The following LDLRAP1 variants were observed in gnomAD, a reference collection of about 807,000 sequenced individuals.
LDLRAP1 encodes low density lipoprotein receptor adapter protein 1.
In LDLRAP1, 30 loss-of-function variants were observed where a neutral mutation model predicts 37.8. That is an observed-to-expected ratio of 0.79 (90% CI 0.59 to 1.08). The LOEUF (loss-of-function observed/expected upper bound fraction) is 1.08, where lower values mean the gene tolerates loss of function less well. LDLRAP1 is among the 50% of genes least tolerant of loss of function. The pLI, the probability that LDLRAP1 is intolerant of heterozygous loss-of-function variation, is 0.00. For missense variants in LDLRAP1, 375 were observed against 401.6 expected, an observed-to-expected ratio of 0.93 and a Z score of 0.57; for synonymous variants, 156 against 169.8, an observed-to-expected ratio of 0.92 and a Z score of 0.63.
At chr1:25,581,231 C>T in the LDLRAP1 span, among the ~76,000 whole-genome samples, 5 of 152,156 alleles carry the variant, frequency 3.3e-5, no homozygotes, top group Admixed American at 1.3e-4. Flanking sequence ...CAGCCTGGGG[C>T]GGGGGCACTG....
Position 25,555,949 on chromosome 1 carries a change from G to C in LDLRAP1, c.344+977G>C, listed in dbSNP as rs1429139480. Among the ~76,000 whole-genome samples, 1 of 152,146 alleles carries C rather than the reference G, an allele frequency of 6.6e-6. No individual in the cohort carries two copies. Among genetic ancestry groups the C allele is most frequent in the Non-Finnish European group, 1.5e-5 (1 of 68,030 alleles). On this transcript the variant is annotated intron_variant, in intron 3 of 8. Transcript: ENST00000374338. This position sits in a 1 kb window ranked among gnomAD's most constrained non-coding sequence, Gnocchi z 4.7. ...AAAAGGCAAGGAGGAGATCTGCCTG[G>C]GGAAATCCCGGAAGGCCTCCCAGGG...
chr1:25,566,599 C>G (rs1314908048), intron 8 of LDLRAP1, among the ~76,000 whole-genome samples: 2 of 150,614 alleles, frequency 1.3e-5, no homozygotes, highest in African/African-American at 4.9e-5. Flanking sequence ...CCTGACTGAG[C>G]TGGGGCACAG....
intron 5 of LDLRAP1, 99 bp from the exon 6 acceptor site, chr1:25,562,971 C>T: frequency 8.7e-7 from 1 of 1,150,496 alleles, no homozygotes; most frequent in South Asian, 1.2e-5. Flanking sequence ...CTGAAACTGC[C>T]CCTTGAGGTT....
chr1:25,546,533 A>G (rs1181876310), intron 1 of LDLRAP1, among the ~76,000 whole-genome samples: 1 of 152,028 alleles, frequency 6.6e-6, no homozygotes, highest in Non-Finnish European at 1.5e-5. Flanking sequence ...TCAATATTTT[A>G]TCTCAGTCCC....
At chr1:25,580,589 C>G in the LDLRAP1 span, among the ~76,000 whole-genome samples, 4 of 152,292 alleles carry the variant, frequency 2.6e-5, no homozygotes, top group African/African-American at 9.6e-5. Flanking sequence ...CTCATTGCAG[C>G]CTTGACGTTT....
chr1:25,565,486 A>G (rs2044454779), intron 8 of LDLRAP1, among the ~76,000 whole-genome samples: 4 of 151,716 alleles, frequency 2.6e-5, no homozygotes, highest in Admixed American at 2.0e-4. Flanking sequence ...TGAGCGAAAC[A>G]CACTGCAGCT....
Position 25,543,654 on chromosome 1 carries a change from A to G in LDLRAP1, c.-45A>G. The stretch of plus-strand genomic sequence containing the variant: ...AGGGCCGGGCGGAAAGTTTTTCCTG[A>G]CGGAGTTTTGGCTGCGGCAGCGGCG... On this transcript the variant is annotated 5_prime_UTR_variant, in exon 1 of 9. Transcript: ENST00000374338. 1 of 1,186,890 alleles carries G rather than the reference A, an allele frequency of 8.4e-7. No homozygotes were observed. The highest frequency in any genetic ancestry group is 1.0e-6 in the Non-Finnish European group (1 of 953,538). The allele number at this position is 1,186,890 out of a possible 1,614,324, so 73.5% of individuals were successfully genotyped here.
At chr1:25,587,962 T>C in the LDLRAP1 span, among the ~76,000 whole-genome samples, 1 of 149,858 alleles carries the variant, frequency 6.7e-6, no homozygotes, top group African/African-American at 2.5e-5. Context: ...CTTGAGATGC[T>C]GTTAATCTGT....
chr1:25,566,892 T>TGACA lies in LDLRAP1; in HGVS notation c.829_832dup (p.Ala278AspfsTer20), dbSNP rs2044497383. 6.2e-7 allele frequency: 1 copy of TGACA among 1,612,952 alleles called. No individual in the cohort carries two copies. The highest frequency in any genetic ancestry group is 1.3e-5 in the African/African-American group (1 of 74,920). ...AACCCTCAGGTCCTGGACACTGGCC[T>TGACA]GACAGCCCAGGACATGCATTACGCC... On this transcript the variant is annotated frameshift_variant, in exon 9 of 9. Transcript: ENST00000374338. LOFTEE classifies it high-confidence loss of function.
At chr1:25,571,860 G>A (rs571279182), downstream of LDLRAP1, among the ~76,000 whole-genome samples, 150 of 152,346 alleles carry the variant, frequency 9.8e-4, no homozygotes, top group Non-Finnish European at 1.4e-3. Flanking sequence ...TTGCCAGACA[G>A]CAATTCTGAC....
At chr1:25,556,659 GCA>G (rs1306784854) in intron 3 of LDLRAP1, among the ~76,000 whole-genome samples, 1 of 152,202 alleles carries the variant, frequency 6.6e-6, no homozygotes, top group African/African-American at 2.4e-5. Context: ...TGGCCAGTTG[GCA>G]CACAGCCTTA....
chr1:25,586,344 C>T, the LDLRAP1 span, among the ~76,000 whole-genome samples: 14 of 152,144 alleles, frequency 9.2e-5, no homozygotes, highest in Non-Finnish European at 1.0e-4. This position sits in a 1 kb window ranked among gnomAD's most constrained non-coding sequence, Gnocchi z 4.3. Flanking sequence ...TGTCCCTGCA[C>T]TCATCTCTGG....
chr1:25,564,266 A>G, intron 7 of LDLRAP1: 1 of 172,658 alleles, frequency 5.8e-6, no homozygotes, highest in East Asian at 1.6e-4. Context: ...TGCCAACGGA[A>G]TCTCCCCGAG....
chr1:25,543,738 A>T lies in LDLRAP1; in HGVS notation c.40A>T (p.Ser14Cys). 1 of 1,212,428 alleles carries T rather than the reference A, an allele frequency of 8.2e-7. No homozygotes were observed. 75.1% of individuals were successfully genotyped at this position (1,212,428 alleles called of 1,614,324 possible). ...LKSAGRALIR[S>C]PSLAKQSWGG... ...GTCGGCGGGGCGGGCGCTGATCCGGAGCCCCAGCTTGGCCAAGCAGAGCTG... is the reference window on the plus strand; with the variant it reads ...GTCGGCGGGGCGGGCGCTGATCCGGTGCCCCAGCTTGGCCAAGCAGAGCTG... The change falls in exon 1 of 9, where the codon AGC (serine) becomes TGC (cysteine). Residue 14 changes from serine to cysteine, a missense_variant. By Grantham distance (112) the Ser-to-Cys change is moderately radical. Transcript: ENST00000374338.
At chr1:25,575,482 C>A in the LDLRAP1 span, among the ~76,000 whole-genome samples, 11 of 149,512 alleles carry the variant, frequency 7.4e-5, no homozygotes, top group Admixed American at 2.7e-4. Context: ...GTAGTCCCAG[C>A]TACTCAGGAG....
At chr1:25,547,311 C>T (rs919813617) in intron 1 of LDLRAP1, among the ~76,000 whole-genome samples, 13 of 151,806 alleles carry the variant, frequency 8.6e-5, no homozygotes, top group Non-Finnish European at 1.8e-4. Context: ...GATGAAACCC[C>T]ATCTCTACTT....
chr1:25,580,239 A>G, the LDLRAP1 span, among the ~76,000 whole-genome samples: 4 of 152,168 alleles, frequency 2.6e-5, no homozygotes, highest in African/African-American at 9.7e-5. Flanking sequence ...CAGCTTCTGC[A>G]TGGGAAGACA....
the LDLRAP1 span, among the ~76,000 whole-genome samples, chr1:25,582,455 T>A: frequency 6.7e-6 from 1 of 150,326 alleles, no homozygotes; most frequent in Non-Finnish European, 1.5e-5. Flanking sequence ...CATGGTGGCA[T>A]GCACCTGTAG....
At chr1:25,565,101 T>C in intron 7 of LDLRAP1, 72 bp from the exon 8 acceptor site, 2 of 1,552,768 alleles carry the variant, frequency 1.3e-6, no homozygotes. Context: ...TACCCAGGGC[T>C]GGGACAAGCC....
Sources: allele counts gnomAD v4.1 joint callset (sites outside exome capture counted in the v4.1 genomes callset), GRCh38; gene constraint gnomAD v4.1.1; non-coding constraint Gnocchi (gnomAD v3.1); transcripts MANE v1.5; gene names NCBI Gene and HGNC (gene_info 2026-07-23, HGNC 2026-07-21).